NCOA5: variants seen among roughly 807,000 people sequenced by gnomAD.
NCOA5 encodes the protein nuclear receptor coactivator 5.
Under a neutral mutation model 59.0 loss-of-function variants are expected in NCOA5, and 12 were observed. The ratio of observed to expected loss-of-function variants is 0.20; its 90% CI spans 0.13 to 0.33. The LOEUF is 0.33. NCOA5 is among the 10% of genes least tolerant of loss of function. The pLI, the probability that NCOA5 is intolerant of heterozygous loss-of-function variation, is 1.00. For synonymous variants in NCOA5, 270 were observed against 275.5 expected (o/e 0.98, Z 0.20); for missense variants, 655 against 766.6 (o/e 0.85, Z 1.72).
intron 1 of NCOA5, among the ~76,000 whole-genome samples, chr20:46,081,416 AT>A (rs1568887008): frequency 1.3e-5 from 2 of 152,168 alleles, no homozygotes; most frequent in Non-Finnish European, 2.9e-5. Context: ...CATGTATACT[AT>A]ATCTTTGGAA....
chr20:46,068,554 A>C lies in NCOA5; in HGVS notation c.450T>G (p.Asp150Glu). The change falls in exon 4 of 8, where the codon GAT (aspartate) becomes GAG (glutamate). Residue 150 changes from aspartate to glutamate, a missense_variant. Asp to Glu is a conservative substitution (Grantham distance 45). Around this residue, in one of 3 missense-constraint regions of NCOA5, gnomAD observed 250 missense variants for 260.1 expected, o/e 0.96. Coordinates refer to ENST00000290231, the MANE Select transcript of NCOA5 (RefSeq NM_020967.3). ...KDDSYFDRYR[D>E]SFDGRGPPGP... ...CTGGAGGGCCCCGTCCATCAAAGCT[A>C]TCTCTGTAACGGTCAAAATAAGAGT... The C allele has an allele frequency of 6.2e-7, 1 of 1,613,786 alleles. No individual in the cohort carries two copies. Among genetic ancestry groups the C allele is most frequent in the Non-Finnish European group, 8.5e-7 (1 of 1,179,838 alleles).
rs900787566 is a variant in NCOA5 at position 46,089,797 on chromosome 20, C to T, written c.-30+20G>A. ...TCAGCCCCACGCCTCGGCTGACGGC[C>T]AGCGCTTCCCGGCACTCACCGCTAC... On this transcript the variant is annotated intron_variant, in intron 1 of 7. Coordinates refer to ENST00000290231, the MANE Select transcript of NCOA5 (RefSeq NM_020967.3). The T allele has an allele frequency of 1.3e-5, 2 of 152,114 alleles. No individual in the cohort carries two copies. The highest frequency in any genetic ancestry group is 4.8e-5 in the African/African-American group (2 of 41,434). The allele number at this position is 152,114 out of a possible 1,614,324, so 9.4% of individuals were successfully genotyped here.
chr20:46,083,642 A>G (rs6032648), intron 1 of NCOA5, among the ~76,000 whole-genome samples: 46 of 152,364 alleles, frequency 3.0e-4, no homozygotes, highest in African/African-American at 1.0e-3. Flanking sequence ...ATAACTGACT[A>G]CAAATGACAT....
intron 2 of NCOA5, among the ~76,000 whole-genome samples, chr20:46,076,016 A>T (rs557630077): frequency 2.0e-5 from 3 of 152,342 alleles, no homozygotes; most frequent in African/African-American, 7.2e-5. Flanking sequence ...GTTTACTGAA[A>T]CATCTGAAGA....
At chr20:46,065,320 A>G in intron 5 of NCOA5, 92 bp from the exon 6 acceptor site, 1 of 1,224,804 alleles carries the variant, frequency 8.2e-7, no homozygotes, top group Non-Finnish European at 1.2e-6. Context: ...CTGATAACTC[A>G]AACCTTAGTC....
In NCOA5 at chr20:46,061,328, G is replaced by C. The variant is rs569878024; in HGVS notation, c.*972C>G. The C allele has an allele frequency of 3.3e-5, 5 of 152,740 alleles. No individual in the cohort carries two copies. In the South Asian group the frequency reaches 1.0e-3, roughly 32 times the overall value. 9.5% of individuals were successfully genotyped at this position (152,740 alleles called of 1,614,324 possible). On this transcript the variant is annotated 3_prime_UTR_variant, in exon 8 of 8. Coordinates refer to ENST00000290231, the MANE Select transcript of NCOA5 (RefSeq NM_020967.3). ...AATTTCACTCTGGTACAAAAGTCGC[G>C]AACAGCCACCCATCTCGAGAACATG...
chr20:46,067,621 C>G (rs916540155), intron 4 of NCOA5, among the ~76,000 whole-genome samples: 1 of 149,888 alleles, frequency 6.7e-6, no homozygotes, highest in Non-Finnish European at 1.5e-5. Context: ...TTTAAAAGTT[C>G]TTTTTTTAAA....
intron 2 of NCOA5, among the ~76,000 whole-genome samples, chr20:46,073,951 T>G (rs929045151): frequency 3.9e-5 from 6 of 152,174 alleles, no homozygotes; most frequent in Admixed American, 6.5e-5. Flanking sequence ...AAACTACTAA[T>G]TCCCTCTCAA....
intron 1 of NCOA5, among the ~76,000 whole-genome samples, chr20:46,083,341 A>T (rs777438216): frequency 2.6e-5 from 4 of 152,194 alleles, no homozygotes; most frequent in Non-Finnish European, 4.4e-5. Flanking sequence ...TTTACCCTTC[A>T]CAAGAAAAGT....
At chr20:46,089,141 G>C (rs914133837) in intron 1 of NCOA5, among the ~76,000 whole-genome samples, 3 of 152,264 alleles carry the variant, frequency 2.0e-5, no homozygotes, top group Non-Finnish European at 4.4e-5. Context: ...GCGGGGAGCG[G>C]ACAGTGCCCC....
rs6074004 is a variant in NCOA5, at chr20:46,062,046, C to G, written c.*254G>C. On this transcript the variant is annotated 3_prime_UTR_variant, in exon 8 of 8. Transcript: ENST00000290231. ...CCCCATCAAATACAAGCCCAGACAC[C>G]TGTACTGCCCCCGGAGATATTTATT... 1 of 358,212 alleles carries G rather than the reference C, an allele frequency of 2.8e-6. No homozygotes were observed. Among genetic ancestry groups the G allele is most frequent in the Non-Finnish European group, 5.1e-6 (1 of 197,280 alleles). 22.2% of individuals were successfully genotyped at this position (358,212 alleles called of 1,614,324 possible).
chr20:46,088,126 T>C (rs1035171843), intron 1 of NCOA5, among the ~76,000 whole-genome samples: 2 of 152,218 alleles, frequency 1.3e-5, no homozygotes, highest in Non-Finnish European at 2.9e-5. Context: ...ACAGATCTTA[T>C]GAACACACTA....
intron 2 of NCOA5, among the ~76,000 whole-genome samples, chr20:46,077,376 C>T (rs1256658493): frequency 6.6e-6 from 1 of 152,212 alleles, no homozygotes; most frequent in Non-Finnish European, 1.5e-5. Flanking sequence ...GGAAGTTGGT[C>T]ATTCCCCAAC....
intron 2 of NCOA5, among the ~76,000 whole-genome samples, chr20:46,073,130 A>T (rs1347660626): frequency 6.6e-6 from 1 of 152,210 alleles, no homozygotes; most frequent in African/African-American, 2.4e-5. Flanking sequence ...TTATTCTACT[A>T]AACTGTAAGC....
rs548150404 is a variant in NCOA5, at chr20:46,069,091, C to T, written c.366-453G>A. ...CCTCCCAAAGTGCTGGGATTACAGG[C>T]GTGAGCCACTGCGCCTGGCCTAACA... On this transcript the variant is annotated intron_variant, in intron 3 of 7. Coordinates refer to ENST00000290231, the MANE Select transcript of NCOA5 (RefSeq NM_020967.3). Among the ~76,000 whole-genome samples, 23 of 152,056 alleles carry T rather than the reference C, an allele frequency of 1.5e-4. No individual in the cohort carries two copies. In the South Asian group the frequency reaches 2.3e-3, roughly 15 times the overall value.
chr20:46,068,790 A>G (rs1312521393), intron 3 of NCOA5, 152 bp from the exon 4 acceptor site: 5 of 673,154 alleles, frequency 7.4e-6, no homozygotes, highest in Non-Finnish European at 1.2e-5. Flanking sequence ...AACCTGTCTC[A>G]CTGAGATGAT....
intron 2 of NCOA5, among the ~76,000 whole-genome samples, chr20:46,071,565 CACTA>C (rs1324622111): frequency 1.4e-4 from 21 of 152,188 alleles, no homozygotes; most frequent in East Asian, 5.8e-4. Context: ...CACATAAATA[CACTA>C]ACTATCCTAA....
chr20:46,076,609 GT>G lies in NCOA5; in HGVS notation c.38+2777del, dbSNP rs374272453. Among the ~76,000 whole-genome samples the G allele has an allele frequency of 9.1e-4, 137 of 151,110 alleles. 1 individual carries two copies. In the East Asian group the frequency reaches 9.5e-3, roughly 10 times the overall value. ...GTAAAAAACTGGGACTCTTAGTTCGGTTTTTAGATGGGGTTACTAATGGTGA... is the reference window on the plus strand; with the variant it reads ...GTAAAAAACTGGGACTCTTAGTTCGGTTTTAGATGGGGTTACTAATGGTGA... On this transcript the variant is annotated intron_variant, in intron 2 of 7. Transcript: ENST00000290231.
intron 4 of NCOA5, 150 bp from the exon 5 acceptor site, chr20:46,067,331 A>T: frequency 1.1e-6 from 1 of 947,420 alleles, no homozygotes; most frequent in Non-Finnish European, 1.5e-6. Flanking sequence ...TACTATTATA[A>T]ATTAACCAAA....
Sources: gnomAD v4.1 joint callset for allele counts (sites outside exome capture counted in the v4.1 genomes callset) on GRCh38, gnomAD v4.1.1 for gene constraint, gnomAD v4.1.1 regional missense constraint, MANE v1.5 for transcripts, NCBI Gene and HGNC (gene_info 2026-07-23, HGNC 2026-07-21) for gene names.